The following PMFBP1 variants were observed in gnomAD, a reference collection of about 807,000 sequenced individuals.
The protein encoded by PMFBP1 is polyamine modulated factor 1 binding protein 1, also known as polyamine-modulated factor 1-binding protein 1.
PMFBP1 carries 131 observed loss-of-function variants against 137.8 expected under a neutral mutation model. The observed-to-expected ratio is 0.95, with a 90% CI of 0.82 to 1.10. The LOEUF (loss-of-function observed/expected upper bound fraction) is 1.10. Ranked by LOEUF, PMFBP1 falls within the 50% of genes least tolerant of loss-of-function variation. The probability of loss-of-function intolerance (pLI) is 0.00; values close to 1 mark genes in which losing one functional copy is unlikely to be tolerated. For synonymous variants in PMFBP1, 490 were observed against 450.4 expected, an observed-to-expected ratio of 1.09 and a Z score of -1.11; for missense variants, 1,199 against 1,175.4, an observed-to-expected ratio of 1.02 and a Z score of -0.29.
At chr16:72,130,134 T>A in intron 12 of PMFBP1, 79 bp downstream of exon 12, 1 of 1,567,924 alleles carries the variant, frequency 6.4e-7, no homozygotes, top group Non-Finnish European at 8.6e-7. Flanking sequence ...AGATTACAGG[T>A]GTGAGCCACT....
chr16:72,226,719 C>G, the PMFBP1 span, among the ~76,000 whole-genome samples: 1 of 152,022 alleles, frequency 6.6e-6, no homozygotes, highest in Non-Finnish European at 1.5e-5. Context: ...AACAAACAAA[C>G]AAACAAACAA....
chr16:72,206,201 T>C, the PMFBP1 span, among the ~76,000 whole-genome samples: 3 of 152,128 alleles, frequency 2.0e-5, no homozygotes, highest in Non-Finnish European at 4.4e-5. Flanking sequence ...CTTGGGCAAA[T>C]TTCTTGGTCT....
At position 72,130,610 on chromosome 16, in the gene PMFBP1, G is replaced by A; in HGVS notation, c.1560C>T (p.Thr520=). Residue 520 remains threonine (T), a synonymous_variant, in exon 11 of 21, where the codon ACC becomes ACT. Coordinates refer to ENST00000237353, the MANE Select transcript of PMFBP1 (RefSeq NM_031293.3). ...GLLLDKQKAD[T]IQELQRELQM... ...GAAGTTCTCTCTGTAGTTCCTGGAT[G>A]GTGTCTGCCTTCTGCTTGTCCAGGA... 5 of 1,613,920 alleles carry A rather than the reference G, an allele frequency of 3.1e-6. 1 individual carries two copies. In the South Asian group the frequency reaches 5.5e-5, roughly 18 times the overall value.
chr16:72,246,685 C>T, the PMFBP1 span, among the ~76,000 whole-genome samples: 3 of 151,930 alleles, frequency 2.0e-5, no homozygotes, highest in African/African-American at 7.3e-5. Flanking sequence ...ATGGTTAGAA[C>T]GCTCGCTGTA....
At chr16:72,249,760 C>CAA in the PMFBP1 span, among the ~76,000 whole-genome samples, 18 of 137,930 alleles carry the variant, frequency 1.3e-4, no homozygotes, top group Admixed American at 5.1e-4. Context: ...ACTAAAAATA[C>CAA]AAAAAAAAAA....
chr16:72,233,817 T>A, the PMFBP1 span, among the ~76,000 whole-genome samples: 1 of 152,182 alleles, frequency 6.6e-6, no homozygotes, highest in African/African-American at 2.4e-5. Flanking sequence ...ACATTTCACA[T>A]CATGGGAATC....
At chr16:72,158,620 G>A (rs1291163347) in intron 3 of PMFBP1, among the ~76,000 whole-genome samples, 2 of 152,146 alleles carry the variant, frequency 1.3e-5, no homozygotes, top group African/African-American at 2.4e-5. Context: ...AGTACTTAAC[G>A]TGGACAGAAT....
In PMFBP1 at chr16:72,129,187, T is replaced by C; in HGVS notation, c.1829A>G (p.Gln610Arg). The change falls in exon 13 of 21, where the codon CAG becomes CGG. Residue 610 changes from glutamine (Q) to arginine (R), a missense_variant. By Grantham distance (43) the Gln-to-Arg change is conservative. Transcript: ENST00000237353. ...GTCCTCCAGAAGCTTTGTGGCCTCC[T>C]GAAGATCTTCTTCTAACTTGCATTT... ...SIKCKLEEDLQEATKLLEDKR... is the reference protein window; with the variant it reads ...SIKCKLEEDLREATKLLEDKR... The C allele has an allele frequency of 6.2e-7, 1 of 1,614,036 alleles. No individual in the cohort carries two copies. Among genetic ancestry groups the C allele is most frequent in the South Asian group, 1.1e-5 (1 of 91,086 alleles).
chr16:72,205,425 C>T, the PMFBP1 span, among the ~76,000 whole-genome samples: 1 of 152,232 alleles, frequency 6.6e-6, no homozygotes, highest in Non-Finnish European at 1.5e-5. Flanking sequence ...CGCTCTGTGG[C>T]ATCTCCTACA....
chr16:72,231,786 T>C, the PMFBP1 span, among the ~76,000 whole-genome samples: 75 of 152,316 alleles, frequency 4.9e-4, no homozygotes, highest in Non-Finnish European at 8.4e-4. Context: ...TTAATTTTTA[T>C]ATGTGTTTTA....
At chr16:72,138,281 G>A (rs963933326) in intron 7 of PMFBP1, among the ~76,000 whole-genome samples, 15 of 152,112 alleles carry the variant, frequency 9.9e-5, no homozygotes, top group Admixed American at 5.9e-4. Context: ...CCTCCTCCCC[G>A]ACTAGAGAAC....
At chr16:72,229,096 C>T in the PMFBP1 span, among the ~76,000 whole-genome samples, 2 of 152,122 alleles carry the variant, frequency 1.3e-5, no homozygotes, top group Non-Finnish European at 2.9e-5. Flanking sequence ...TAAGTGAGAA[C>T]ATGCAGTATT....
chr16:72,182,028 C>T, the PMFBP1 span, among the ~76,000 whole-genome samples: 1 of 152,202 alleles, frequency 6.6e-6, no homozygotes, highest in Non-Finnish European at 1.5e-5. Context: ...TTGTGTTGGG[C>T]CACATTCGGA....
At chr16:72,134,372 TG>T (rs909556736) in intron 9 of PMFBP1, among the ~76,000 whole-genome samples, 1 of 152,168 alleles carries the variant, frequency 6.6e-6, no homozygotes, top group African/African-American at 2.4e-5. Flanking sequence ...TTTGCAGAGA[TG>T]GGGTCTTGCC....
Position 72,119,268 on chromosome 16 carries a change from G to A in PMFBP1, c.*70C>T, listed in dbSNP as rs1212294635. The A allele has an allele frequency of 9.2e-6, 14 of 1,515,782 alleles. No individual in the cohort carries two copies. In the Admixed American group the frequency reaches 2.3e-4, roughly 25 times the overall value. The allele number at this position is 1,515,782 out of a possible 1,614,324, so 93.9% of individuals were successfully genotyped here. A position where few individuals can be genotyped will look rare whatever the true frequency, so the allele number is the denominator to read the frequency against. On this transcript the variant is annotated 3_prime_UTR_variant, in exon 21 of 21. Transcript: ENST00000237353. ...AGAGCTGATCCAGGTCAAGAGAGAG[G>A]GAGGGCTGGGAACTCACTGTCCTCT...
the PMFBP1 span, among the ~76,000 whole-genome samples, chr16:72,184,058 C>T: frequency 1.3e-5 from 2 of 152,046 alleles, no homozygotes; most frequent in Admixed American, 6.5e-5. Flanking sequence ...GCTTTCTGTC[C>T]TTGGTTTCTG....
chr16:72,120,691 A>G (rs901645092), intron 19 of PMFBP1, among the ~76,000 whole-genome samples: 6 of 152,236 alleles, frequency 3.9e-5, no homozygotes, highest in African/African-American at 1.4e-4. Flanking sequence ...CCGTGGCTCA[A>G]TAAATAGCAA....
chr16:72,221,973 G>A, the PMFBP1 span, among the ~76,000 whole-genome samples: 28 of 152,250 alleles, frequency 1.8e-4, no homozygotes, highest in East Asian at 2.5e-3. Context: ...GCACTTTGCC[G>A]GGCTCAGGTA....
chr16:72,162,471 C>CTGCTTGTT (rs1484967227), intron 3 of PMFBP1, among the ~76,000 whole-genome samples: 1 of 152,238 alleles, frequency 6.6e-6, no homozygotes, highest in Non-Finnish European at 1.5e-5. Flanking sequence ...AAACTATGAC[C>CTGCTTGTT]TCCTGCTTGT....
Sources: gnomAD v4.1 joint callset for allele counts (sites outside exome capture counted in the v4.1 genomes callset) on GRCh38, gnomAD v4.1.1 for gene constraint, MANE v1.5 for transcripts, NCBI Gene and HGNC (gene_info 2026-07-23, HGNC 2026-07-21) for gene names.